Variants in RANBP3L observed in about 807,000 individuals in gnomAD.
The protein encoded by RANBP3L is RAN binding protein 3 like.
Under a neutral mutation model 67.2 loss-of-function variants are expected in RANBP3L, and 56 were observed. The ratio of observed to expected loss-of-function variants is 0.83; its 90% CI spans 0.67 to 1.04. RANBP3L has a LOEUF of 1.04. RANBP3L is among the 50% of genes least tolerant of loss of function. The pLI is 0.00. For missense variants in RANBP3L, 496 were observed against 535.5 expected, an observed-to-expected ratio of 0.93 and a Z score of 0.73; for synonymous variants, 164 against 181.4, an observed-to-expected ratio of 0.90 and a Z score of 0.77.
At position 36,248,075 on chromosome 5, in the gene RANBP3L, G is replaced by T. The variant is rs1004129122; in HGVS notation, c.*1579C>A. Among the ~76,000 whole-genome samples, 1 of 152,080 alleles carries T rather than the reference G, an allele frequency of 6.6e-6. No homozygotes were observed. Among genetic ancestry groups the T allele is most frequent in the African/African-American group, 2.4e-5 (1 of 41,408 alleles). On this transcript the variant is annotated 3_prime_UTR_variant, in exon 14 of 14. Transcript: ENST00000296604. ...GAAAATTTTCTGCTGAGTGTGTTCCGCATCAGAGTCACTCTTCTTGATTTT... is the reference window on the plus strand; with the variant it reads ...GAAAATTTTCTGCTGAGTGTGTTCCTCATCAGAGTCACTCTTCTTGATTTT...
intron 6 of RANBP3L, among the ~76,000 whole-genome samples, chr5:36,264,579 T>A (rs185653577): frequency 2.5e-4 from 38 of 152,296 alleles, no homozygotes; most frequent in African/African-American, 8.9e-4. Context: ...TGACCTAAAC[T>A]GGCAACGATA....
chr5:36,250,748 C>G (rs142685788), intron 13 of RANBP3L, among the ~76,000 whole-genome samples: 1 of 152,212 alleles, frequency 6.6e-6, no homozygotes, highest in Non-Finnish European at 1.5e-5. Context: ...TCAAGATAAG[C>G]ACTAAAACCT....
At chr5:36,276,556 G>A (rs1015054585) in intron 1 of RANBP3L, among the ~76,000 whole-genome samples, 7 of 152,054 alleles carry the variant, frequency 4.6e-5, no homozygotes, top group Non-Finnish European at 8.8e-5. Flanking sequence ...GGATTTTAAA[G>A]TATTATACTA....
At position 36,269,534 on chromosome 5, in the gene RANBP3L, G is replaced by A. The variant is rs180768281; in HGVS notation, c.191-67C>T. The A allele has an allele frequency of 3.6e-5, 34 of 931,638 alleles. No homozygotes were observed. The African/African-American group carries it at 5.1e-4, about 14-fold the overall frequency. 57.7% of individuals were successfully genotyped at this position (931,638 alleles called of 1,614,324 possible). A position where few individuals can be genotyped will look rare whatever the true frequency, so the allele number is the denominator to read the frequency against. ...ATAAATTATCCTCAACTCATGATAG[G>A]GTAGGATAAACAGAATTTTCTTTTG... On this transcript the variant is annotated intron_variant, in intron 3 of 13. Transcript: ENST00000296604.
At chr5:36,272,593 G>C (rs1388485777) in intron 1 of RANBP3L, among the ~76,000 whole-genome samples, 1 of 152,078 alleles carries the variant, frequency 6.6e-6, no homozygotes, top group African/African-American at 2.4e-5. Flanking sequence ...CCTCTTTTCA[G>C]TCCAGTGAAA....
chr5:36,249,749 AT>A, intron 13 of RANBP3L, 52 bp from the exon 14 acceptor site: 1 of 927,588 alleles, frequency 1.1e-6, no homozygotes, highest in African/African-American at 1.7e-5. Flanking sequence ...TTTAGGGTAG[AT>A]TTTTAATATT....
chr5:36,292,171 C>T (rs1243378564), intron 1 of RANBP3L, among the ~76,000 whole-genome samples: 1 of 152,110 alleles, frequency 6.6e-6, no homozygotes, highest in Non-Finnish European at 1.5e-5. Flanking sequence ...CATTTTTTCA[C>T]GTATTTTTTG....
At chr5:36,256,877 CT>C in intron 10 of RANBP3L, 63 bp downstream of exon 10, 1 of 1,445,602 alleles carries the variant, frequency 6.9e-7, no homozygotes, top group Non-Finnish European at 9.5e-7. Context: ...GATGCCTCTT[CT>C]CATGTTAACT....
intron 1 of RANBP3L, among the ~76,000 whole-genome samples, chr5:36,275,376 T>A (rs1229883868): frequency 6.6e-6 from 1 of 152,206 alleles, no homozygotes; most frequent in Admixed American, 6.5e-5. Context: ...AATCTAGGCC[T>A]CCTGCCTCCA....
intron 1 of RANBP3L, among the ~76,000 whole-genome samples, chr5:36,294,203 T>A (rs1752021936): frequency 6.6e-6 from 1 of 152,174 alleles, no homozygotes; most frequent in Non-Finnish European, 1.5e-5. Context: ...GTGTTTGTAG[T>A]ATTCTCTGAT....
chr5:36,253,818 C>T (rs1748772583), intron 11 of RANBP3L, 29 bp from the exon 12 acceptor site: 1 of 1,605,940 alleles, frequency 6.2e-7, no homozygotes, highest in Non-Finnish European at 8.5e-7. Context: ...TACATCAGGC[C>T]ACAGAACAGT....
At chr5:36,277,438 ATATGTG>A (rs1437518826) in intron 1 of RANBP3L, among the ~76,000 whole-genome samples, 17 of 82,260 alleles carry the variant, frequency 2.1e-4, no homozygotes, top group African/African-American at 7.3e-4. Context: ...ATATATATAT[ATATGTG>A]TGTGTGTGTG....
In RANBP3L at chr5:36,261,945, G is replaced by C; in HGVS notation, c.578C>G (p.Ser193Ter). The change falls in exon 7 of 14, where the codon TCA (serine) becomes TGA (stop). Residue 193 changes from serine to a stop codon, truncating the protein, a stop_gained. Transcript: ENST00000296604. LOFTEE classifies it high-confidence loss of function. ...TATTTTCTCATTAACTTACCCTACT[G>C]ATGTTGCACCTAAAAAGTCCTGGTT... Reference protein sequence around the residue: ...STNQDFLGATSVGCQPNEDKC... With the variant: ...STNQDFLGAT The C allele has an allele frequency of 5.4e-6, 8 of 1,492,858 alleles. No homozygotes were observed. The highest frequency in any genetic ancestry group is 7.4e-6 in the Non-Finnish European group (8 of 1,075,366). The allele number at this position is 1,492,858 out of a possible 1,614,324, so 92.5% of individuals were successfully genotyped here.
chr5:36,275,553 A>G (rs1750513720), intron 1 of RANBP3L, among the ~76,000 whole-genome samples: 1 of 152,208 alleles, frequency 6.6e-6, no homozygotes, highest in Admixed American at 6.5e-5. Context: ...TTGATTGACC[A>G]TACACGTGAA....
chr5:36,273,823 C>T (rs1386475356), intron 1 of RANBP3L, among the ~76,000 whole-genome samples: 1 of 152,184 alleles, frequency 6.6e-6, no homozygotes, highest in Non-Finnish European at 1.5e-5. Flanking sequence ...AGACATTTTG[C>T]ATGGTATTGT....
intron 4 of RANBP3L, among the ~76,000 whole-genome samples, chr5:36,267,052 C>T (rs958908301): frequency 2.6e-5 from 4 of 152,102 alleles, no homozygotes; most frequent in African/African-American, 9.7e-5. Context: ...CCAACACGCC[C>T]AGCCAGGATC....
At chr5:36,288,687 A>G (rs1230228472) in intron 1 of RANBP3L, among the ~76,000 whole-genome samples, 3 of 152,124 alleles carry the variant, frequency 2.0e-5, no homozygotes, top group Non-Finnish European at 4.4e-5. Context: ...GTGACATTTC[A>G]TGGTGGTTTT....
chr5:36,283,129 C>G (rs879319952), intron 1 of RANBP3L, among the ~76,000 whole-genome samples: 5 of 152,140 alleles, frequency 3.3e-5, no homozygotes, highest in Non-Finnish European at 7.3e-5. Context: ...GCTCAGTTGG[C>G]TCACTACAAC....
chr5:36,269,969 A>G lies in RANBP3L; in HGVS notation c.172T>C (p.Tyr58His). The G allele has an allele frequency of 6.2e-7, 1 of 1,613,706 alleles. No homozygotes were observed. The highest frequency in any genetic ancestry group is 8.5e-7 in the Non-Finnish European group (1 of 1,179,542). Residue 58 changes from tyrosine (Y) to histidine (H), a missense_variant, in exon 3 of 14, where the codon TAT becomes CAT. Physicochemically the swap from Tyr to His is moderately conservative, Grantham distance 83. Coordinates refer to ENST00000296604, the MANE Select transcript of RANBP3L (RefSeq NM_145000.5). ...TCATTACCTGGTTCTGCTGCTTCAT[A>G]CAGGGTGTCTTCTGCAGGTCTCTGA... ...TFKRPAEDTL[Y>H]EAAEPECNGF... is the part of the protein sequence containing the mutation.
Sources: allele counts gnomAD v4.1 joint callset (sites outside exome capture counted in the v4.1 genomes callset), GRCh38; gene constraint gnomAD v4.1.1; transcripts MANE v1.5; gene names NCBI Gene and HGNC (gene_info 2026-07-23, HGNC 2026-07-21).